Variants in ZNF136 observed in about 807,000 individuals in gnomAD.
The protein encoded by ZNF136 is zinc finger protein 136, also known as zinc finger protein 136 (clone pHZ-20).
A neutral mutation model predicts 11.4 loss-of-function variants in ZNF136; 8 were observed. The ratio of observed to expected loss-of-function variants is 0.70; its 90% CI spans 0.41 to 1.27. The LOEUF is 1.27. Among genes scored for constraint, ZNF136 ranks in the 50% most tolerant of loss-of-function variants. The probability of loss-of-function intolerance (pLI) is 0.01; values close to 1 mark genes in which losing one functional copy is unlikely to be tolerated. For missense variants in ZNF136, 590 were observed against 656.5 expected (o/e 0.90, Z 1.11); for synonymous variants, 190 against 207.1 (o/e 0.92, Z 0.71).
chr19:12,163,229 C>T (rs747014086), intron 1 of ZNF136, 23 bp downstream of exon 1: 168 of 1,380,026 alleles, frequency 1.2e-4, no homozygotes, highest in Non-Finnish European at 1.5e-4. Context: ...GGCCCTGCGT[C>T]CCGAGACAGG....
Position 12,163,191 on chromosome 19 carries a change from CG to C in ZNF136, c.-10del. 1 of 1,398,912 alleles carries C rather than the reference CG, an allele frequency of 7.1e-7. No homozygotes were observed. Among genetic ancestry groups the C allele is most frequent in the Non-Finnish European group, 9.3e-7 (1 of 1,070,100 alleles). The allele number at this position is 1,398,912 out of a possible 1,614,324, so 86.7% of individuals were successfully genotyped here. A position where few individuals can be genotyped will look rare whatever the true frequency, so the allele number is the denominator to read the frequency against. On this transcript the variant is annotated 5_prime_UTR_variant, in exon 1 of 4. Transcript: ENST00000343979. ...TCCGGAGGGAGGAAGCTGGGACACC[CG>C]GGAGTCAGGAAATGGTGAGTGTGTC...
chr19:12,165,545 C>T (rs574034438), intron 1 of ZNF136, among the ~76,000 whole-genome samples: 43 of 152,252 alleles, frequency 2.8e-4, no homozygotes, highest in Non-Finnish European at 5.9e-4. Context: ...CTGTATTTCT[C>T]CATATTTTGG....
At chr19:12,179,591 G>A (rs1046335094) in intron 1 of ZNF136, among the ~76,000 whole-genome samples, 17 of 152,062 alleles carry the variant, frequency 1.1e-4, no homozygotes, top group South Asian at 6.2e-4. Context: ...GATTACAGGC[G>A]TGAGCCACCA....
chr19:12,174,774 C>T (rs1200252532), intron 1 of ZNF136, among the ~76,000 whole-genome samples: 1 of 147,144 alleles, frequency 6.8e-6, no homozygotes. Context: ...TAGCTGGGAC[C>T]ACAGGCGCCC....
intron 1 of ZNF136, among the ~76,000 whole-genome samples, chr19:12,181,006 G>A (rs1461383315): frequency 6.6e-6 from 1 of 152,190 alleles, no homozygotes; most frequent in African/African-American, 2.4e-5. Context: ...GTCCAATCAG[G>A]CGCGCCTCAG....
rs1915131106 is a variant in ZNF136, at chr19:12,187,279, A to G, written c.901A>G (p.Thr301Ala). ...CSPTLRIHERTHTGEKPYECK... is the reference protein window; with the variant it reads ...CSPTLRIHERAHTGEKPYECK... ...CCCAACCTTACGAATACATGAAAGA[A>G]CCCATACTGGAGAGAAACCTTATGA... Residue 301 changes from threonine (T) to alanine (A), a missense_variant, in exon 4 of 4, where the codon ACC becomes GCC. Thr to Ala is a moderately conservative substitution (Grantham distance 58). Transcript: ENST00000343979. 1 of 1,613,992 alleles carries G rather than the reference A, an allele frequency of 6.2e-7. No homozygotes were observed. The highest frequency in any genetic ancestry group is 1.3e-5 in the African/African-American group (1 of 74,908).
intron 1 of ZNF136, among the ~76,000 whole-genome samples, chr19:12,179,422 T>C (rs1230622214): frequency 6.6e-6 from 1 of 151,990 alleles, no homozygotes; most frequent in Non-Finnish European, 1.5e-5. Context: ...GCTATTCTCC[T>C]GCCTCACCCT....
intron 1 of ZNF136, among the ~76,000 whole-genome samples, chr19:12,172,074 C>A (rs796247385): frequency 6.7e-6 from 1 of 149,662 alleles, no homozygotes; most frequent in African/African-American, 2.5e-5. Context: ...CGCCTCCTGG[C>A]GTCAGGTGTT....
intron 1 of ZNF136, among the ~76,000 whole-genome samples, chr19:12,175,209 G>A (rs568010856): frequency 1.5e-5 from 2 of 135,840 alleles, no homozygotes; most frequent in African/African-American, 2.9e-5. Context: ...TTTTTTTTTT[G>A]GGGGGGACAG....
At chr19:12,172,600 C>T (rs1034275389) in intron 1 of ZNF136, among the ~76,000 whole-genome samples, 1 of 152,126 alleles carries the variant, frequency 6.6e-6, no homozygotes, top group African/African-American at 2.4e-5. Flanking sequence ...ACCAAGAGAG[C>T]CCCGATTATG....
intron 1 of ZNF136, among the ~76,000 whole-genome samples, chr19:12,181,720 C>T (rs940703426): frequency 2.2e-4 from 34 of 151,926 alleles, no homozygotes; most frequent in Admixed American, 1.3e-4. Context: ...CTGCAAGCTC[C>T]GCCTCCCGGG....
chr19:12,185,974 C>T, intron 2 of ZNF136, 63 bp downstream of exon 2: 3 of 1,609,150 alleles, frequency 1.9e-6, no homozygotes, highest in Non-Finnish European at 2.5e-6. Context: ...TGCAGTGATG[C>T]TGTTCCATGG....
rs1915187178 is a variant in ZNF136 at position 12,188,846 on chromosome 19, G to GT, written c.*846dup. 1 of 151,850 alleles carries GT rather than the reference G, an allele frequency of 6.6e-6. No individual in the cohort carries two copies. The highest frequency in any genetic ancestry group is 2.4e-5 in the African/African-American group (1 of 41,382). 9.4% of individuals were successfully genotyped at this position (151,850 alleles called of 1,614,324 possible). ...TCTAATACAGCAAAATCCTATAAAT[G>GT]TAAGTACTTCAAAAAGCCTCATGCA... On this transcript the variant is annotated 3_prime_UTR_variant, in exon 4 of 4. Coordinates refer to ENST00000343979, the MANE Select transcript of ZNF136 (RefSeq NM_003437.5).
intron 1 of ZNF136, among the ~76,000 whole-genome samples, chr19:12,181,635 G>A (rs1160419591): frequency 2.0e-5 from 3 of 151,838 alleles, no homozygotes; most frequent in Non-Finnish European, 4.4e-5. Context: ...ACCACGCCCA[G>A]CTAATTTTTT....
At chr19:12,171,450 G>T (rs1015822891) in intron 1 of ZNF136, among the ~76,000 whole-genome samples, 1 of 152,104 alleles carries the variant, frequency 6.6e-6, no homozygotes, top group Non-Finnish European at 1.5e-5. Flanking sequence ...ATTACATGTT[G>T]CTTTTTACAC....
At chr19:12,164,986 T>C (rs1977165778) in intron 1 of ZNF136, 1 of 152,212 alleles carries the variant, frequency 6.6e-6, no homozygotes, top group African/African-American at 2.4e-5. Flanking sequence ...TCAGTGAGAA[T>C]TCCTGACAAA....
At chr19:12,183,350 G>C (rs1194743251) in intron 1 of ZNF136, among the ~76,000 whole-genome samples, 2 of 151,986 alleles carry the variant, frequency 1.3e-5, no homozygotes, top group South Asian at 2.1e-4. Context: ...TGCCCAGGCT[G>C]GTCTCAATCT....
At chr19:12,171,619 A>T (rs1199343697) in intron 1 of ZNF136, among the ~76,000 whole-genome samples, 1 of 150,730 alleles carries the variant, frequency 6.6e-6, no homozygotes, top group Non-Finnish European at 1.5e-5. Context: ...ATTTATAGGG[A>T]TTGCTAATAT....
intron 1 of ZNF136, chr19:12,184,519 C>T (rs1320686966): frequency 6.7e-6 from 1 of 149,292 alleles, no homozygotes; most frequent in Non-Finnish European, 1.5e-5. Context: ...CGAGATCACG[C>T]CGCTCCAGCC....
Sources: allele counts gnomAD v4.1 joint callset (sites outside exome capture counted in the v4.1 genomes callset), GRCh38; gene constraint gnomAD v4.1.1; transcripts MANE v1.5; gene names NCBI Gene and HGNC (gene_info 2026-07-23, HGNC 2026-07-21).